Variants in CDH18 observed in about 807,000 individuals in gnomAD.
CDH18 encodes the protein cadherin 18.
CDH18 carries 31 observed loss-of-function variants against 67.9 expected under a neutral mutation model. That is an observed-to-expected ratio of 0.46 (90% CI 0.34 to 0.62). CDH18 has a LOEUF of 0.62. Ranked by LOEUF, CDH18 falls within the 20% of genes least tolerant of loss-of-function variation. The probability of loss-of-function intolerance (pLI) is 0.01; values close to 1 mark genes in which losing one functional copy is unlikely to be tolerated. For synonymous variants in CDH18, 362 were observed against 347.2 expected, an observed-to-expected ratio of 1.04 and a Z score of -0.48; for missense variants, 890 against 975.5, an observed-to-expected ratio of 0.91 and a Z score of 1.17.
chr5:19,948,952 T>C (rs1242100104), intron 2 of CDH18, among the ~76,000 whole-genome samples: 4 of 152,196 alleles, frequency 2.6e-5, no homozygotes. Flanking sequence ...TAGCCAAGAC[T>C]GCTTTTTTTC....
chr5:20,007,618 C>T (rs1029813170), intron 2 of CDH18, among the ~76,000 whole-genome samples: 34 of 149,604 alleles, frequency 2.3e-4, no homozygotes, highest in African/African-American at 6.6e-4. Context: ...GAGAGAGTAG[C>T]GGGAGTTGAA....
At chr5:20,358,641 A>C (rs10045715) in intron 1 of CDH18, among the ~76,000 whole-genome samples, 27,960 of 152,116 alleles carry the variant, frequency 0.18, 2,800 homozygotes, top group African/African-American at 0.24. Flanking sequence ...ATATATATTC[A>C]ATATGTTTAA....
chr5:20,541,799 C>A (rs10068661), intron 1 of CDH18, among the ~76,000 whole-genome samples: 263 of 152,230 alleles, frequency 1.7e-3, no homozygotes, highest in Middle Eastern at 0.01. Flanking sequence ...CTATACTTCA[C>A]CATATAGAAG....
intron 2 of CDH18, among the ~76,000 whole-genome samples, chr5:20,195,337 T>C (rs11745048): frequency 0.11 from 17,188 of 152,042 alleles, 1,380 homozygotes; most frequent in African/African-American, 0.22. Context: ...TTGCATTATG[T>C]CTCTATAATG....
intron 2 of CDH18, among the ~76,000 whole-genome samples, chr5:19,888,556 A>G (rs1332611781): frequency 2.0e-5 from 3 of 152,000 alleles, no homozygotes; most frequent in Non-Finnish European, 2.9e-5. Context: ...TTAAATTTCT[A>G]ATTTGGGGCT....
intron 1 of CDH18, among the ~76,000 whole-genome samples, chr5:20,280,422 T>C (rs1165161646): frequency 2.6e-5 from 4 of 152,146 alleles, no homozygotes; most frequent in Non-Finnish European, 4.4e-5. Flanking sequence ...TGCGTCCTCA[T>C]TGTTCAATTC....
intron 2 of CDH18, among the ~76,000 whole-genome samples, chr5:20,200,035 T>C (rs538456587): frequency 6.6e-6 from 1 of 152,274 alleles, no homozygotes. Context: ...TATTTCTTCA[T>C]AGCAGCATGA....
chr5:20,283,250 C>T (rs1020340882), intron 1 of CDH18, among the ~76,000 whole-genome samples: 1 of 151,886 alleles, frequency 6.6e-6, no homozygotes, highest in African/African-American at 2.4e-5. Flanking sequence ...CAAAAATGGG[C>T]AAATGGGATC....
At chr5:19,792,145 T>C (rs186989520) in intron 3 of CDH18, among the ~76,000 whole-genome samples, 118 of 152,180 alleles carry the variant, frequency 7.8e-4, no homozygotes, top group South Asian at 1.7e-3. Context: ...TATGAGAATG[T>C]TTTTTTGAAT....
intron 10 of CDH18, among the ~76,000 whole-genome samples, chr5:19,506,242 C>A (rs145712446): frequency 1.3e-3 from 194 of 152,194 alleles, no homozygotes; most frequent in East Asian, 2.9e-3. Flanking sequence ...CAAACCACTG[C>A]TCAATGAAAT....
At chr5:19,726,306 C>T (rs768089424) in intron 4 of CDH18, among the ~76,000 whole-genome samples, 37 of 152,204 alleles carry the variant, frequency 2.4e-4, no homozygotes, top group Non-Finnish European at 4.3e-4. Flanking sequence ...AACTCTCTGC[C>T]CTGATCCAAA....
Position 20,520,411 on chromosome 5 carries a change from G to A in CDH18, c.-580+55051C>T, listed in dbSNP as rs181398180. Reference sequence around the variant, plus strand: ...CAAAAGAGAATATGGAAACGTTATGGTAGAGTCTGATGTAGAGGCCAGACT... The same window carrying A: ...CAAAAGAGAATATGGAAACGTTATGATAGAGTCTGATGTAGAGGCCAGACT... On this transcript the variant is annotated intron_variant, in intron 1 of 14. Transcript: ENST00000507958. Among the ~76,000 whole-genome samples, 90 of 152,172 alleles carry A rather than the reference G, an allele frequency of 5.9e-4. 2 individuals are homozygous for A. Among genetic ancestry groups the A allele is most frequent in the African/African-American group, 2.1e-3 (89 of 41,544 alleles).
intron 2 of CDH18, among the ~76,000 whole-genome samples, chr5:19,897,802 T>C (rs1316315646): frequency 6.6e-6 from 1 of 152,060 alleles, no homozygotes; most frequent in East Asian, 1.9e-4. Flanking sequence ...AGAGAGTCCA[T>C]AGTGAACAAG....
At chr5:19,948,056 G>T (rs1795440685) in intron 2 of CDH18, among the ~76,000 whole-genome samples, 1 of 152,182 alleles carries the variant, frequency 6.6e-6, no homozygotes. Context: ...TATCGAGGAA[G>T]TGTAAATTAA....
intron 1 of CDH18, among the ~76,000 whole-genome samples, chr5:20,411,393 A>G (rs1445263936): frequency 9.1e-6 from 1 of 109,392 alleles, no homozygotes; most frequent in Admixed American, 9.2e-5. Context: ...AGAATATTAT[A>G]TACACAAAAA....
In CDH18 at chr5:20,303,385, C is replaced by T. The variant is rs566846983; in HGVS notation, c.-579-47880G>A. ...TACCTCATGAATAGACACTACAAAGCCAAAAAACTCCTTCACAAGCTGTTC... is the reference window on the plus strand; with the variant it reads ...TACCTCATGAATAGACACTACAAAGTCAAAAAACTCCTTCACAAGCTGTTC... On this transcript the variant is annotated intron_variant, in intron 1 of 14. Transcript: ENST00000507958. Among the ~76,000 whole-genome samples, 40 of 152,160 alleles carry T rather than the reference C, an allele frequency of 2.6e-4. 2 individuals are homozygous for T. In the South Asian group the frequency reaches 8.1e-3, roughly 31 times the overall value.
At chr5:19,821,298 C>T (rs1446893621) in intron 3 of CDH18, among the ~76,000 whole-genome samples, 3 of 150,408 alleles carry the variant, frequency 2.0e-5, no homozygotes, top group Admixed American at 6.6e-5. Flanking sequence ...CAGGGAATTT[C>T]AAAACAAGTT....
At chr5:20,466,286 A>G (rs1051136387) in intron 1 of CDH18, among the ~76,000 whole-genome samples, 5 of 152,048 alleles carry the variant, frequency 3.3e-5, no homozygotes, top group African/African-American at 1.2e-4. Context: ...TAATTACTGA[A>G]AGTAAACTGA....
chr5:19,563,879 G>C (rs1050492819), intron 8 of CDH18, among the ~76,000 whole-genome samples: 1 of 152,174 alleles, frequency 6.6e-6, no homozygotes, highest in Non-Finnish European at 1.5e-5. Context: ...CCCTGGTAGT[G>C]GCAGCAGAGC....
Sources: gnomAD v4.1 joint callset for allele counts (sites outside exome capture counted in the v4.1 genomes callset) on GRCh38, gnomAD v4.1.1 for gene constraint, MANE v1.5 for transcripts, NCBI Gene and HGNC (gene_info 2026-07-23, HGNC 2026-07-21) for gene names.